ZAN: variants seen among roughly 807,000 people sequenced by gnomAD.
The protein encoded by ZAN is zonadhesin.
A neutral mutation model predicts 286.2 loss-of-function variants in ZAN; 260 were observed. The observed-to-expected ratio is 0.91, with a 90% CI of 0.82 to 1.01. The LOEUF (loss-of-function observed/expected upper bound fraction) is 1.01. ZAN is among the 50% of genes least tolerant of loss of function. The pLI is 0.00. For missense variants in ZAN, 3,410 were observed against 3,639.2 expected (o/e 0.94, Z 1.62); for synonymous variants, 1,368 against 1,417.5 (o/e 0.97, Z 0.79).
At chr7:100,776,714 C>CTTTTT (rs1810830578) in intron 34 of ZAN, 150 bp downstream of exon 34, 8 of 186,784 alleles carry the variant, frequency 4.3e-5, no homozygotes, top group East Asian at 3.9e-4. Flanking sequence ...TCTTCCTCTC[C>CTTTTT]TTTCTTTTTT....
At chr7:100,770,331 C>T (rs866299975) in intron 28 of ZAN, among the ~76,000 whole-genome samples, 13 of 151,536 alleles carry the variant, frequency 8.6e-5, no homozygotes, top group African/African-American at 1.9e-4. Context: ...GGTGAAACCC[C>T]GTCTCTACTA....
rs959066084 is a variant in ZAN at position 100,788,237 on chromosome 7, G to C, written c.7227+101G>C. The C allele has an allele frequency of 4.3e-6, 6 of 1,388,220 alleles. No individual in the cohort carries two copies. The Admixed American group carries it at 1.7e-4, about 39-fold the overall frequency. 86.0% of individuals were successfully genotyped at this position (1,388,220 alleles called of 1,614,324 possible). The stretch of plus-strand genomic sequence containing the variant: ...GATCCCTGTTCCCTGGGATGTTTGT[G>C]GCAGGGGTGGGCTGGTTGTAAAATC... On this transcript the variant is annotated intron_variant, in intron 38 of 47. Coordinates refer to ENST00000613979, the MANE Select transcript of ZAN (RefSeq NM_003386.3).
At chr7:100,746,055 C>G (rs1485281341) in intron 7 of ZAN, among the ~76,000 whole-genome samples, 3 of 151,154 alleles carry the variant, frequency 2.0e-5, no homozygotes. Context: ...GAAACCCTAT[C>G]TTTTCAAAAA....
Position 100,758,291 on chromosome 7 carries a change from G to T in ZAN, c.3399G>T (p.Gly1133=), listed in dbSNP as rs758766163. The T allele has an allele frequency of 6.2e-7, 1 of 1,613,334 alleles. No homozygotes were observed. Among genetic ancestry groups the T allele is most frequent in the East Asian group, 2.2e-5 (1 of 44,872 alleles). The change falls in exon 16 of 48, where the codon GGG becomes GGT. Residue 1133 remains glycine (G), a synonymous_variant. Transcript: ENST00000613979. ...TCGAGTGCCAGATCTCTCAGTGTGGGACACACACCGTGTGCCAGCTTAAGA... is the reference window on the plus strand; with the variant it reads ...TCGAGTGCCAGATCTCTCAGTGTGGTACACACACCGTGTGCCAGCTTAAGA... The part of the protein sequence containing the change: ...SRVECQISQC[G]THTVCQLKNG...
chr7:100,768,200 G>A (rs550748137), intron 26 of ZAN, among the ~76,000 whole-genome samples, 189 bp downstream of exon 26: 22 of 152,242 alleles, frequency 1.4e-4, no homozygotes, highest in Admixed American at 2.6e-4. Flanking sequence ...GGCCAGGCGC[G>A]GTGGCTCATA....
chr7:100,752,100 T>C lies in ZAN; in HGVS notation c.1995T>C (p.Thr665=). The change falls in exon 14 of 48, where the codon ACT becomes ACC. Residue 665 remains threonine (T), a synonymous_variant. Transcript: ENST00000613979. ...TVPTEEPTTP[T]EETTTSMEEP... is the part of the protein sequence containing the mutation. Reference sequence around the variant, plus strand: ...CCACAGAAGAGCCCACCACCCCCACTGAGGAGACCACCACCTCCATGGAAG... The same window carrying C: ...CCACAGAAGAGCCCACCACCCCCACCGAGGAGACCACCACCTCCATGGAAG... The C allele has an allele frequency of 6.8e-7, 1 of 1,471,706 alleles. No homozygotes were observed. 91.2% of individuals were successfully genotyped at this position (1,471,706 alleles called of 1,614,324 possible).
intron 34 of ZAN, 123 bp downstream of exon 34, chr7:100,776,687 T>G (rs1444983501): frequency 2.2e-6 from 1 of 447,662 alleles, no homozygotes; most frequent in Non-Finnish European, 3.4e-6. Context: ...TCTTCCTTTC[T>G]CTCTTTCTCT....
rs1175660550 is a variant in ZAN, at chr7:100,736,227, G to A, written c.107-256G>A. 2.1e-5 allele frequency among the ~76,000 whole-genome samples: 3 copies of A among 142,028 alleles called. 1 individual carries two copies. Among genetic ancestry groups the A allele is most frequent in the African/African-American group, 7.7e-5 (3 of 38,936 alleles). 93.2% of individuals were successfully genotyped at this position (142,028 alleles called of 152,430 possible). A position where few individuals can be genotyped will look rare whatever the true frequency, so the allele number is the denominator to read the frequency against. On this transcript the variant is annotated intron_variant, in intron 3 of 47. Coordinates refer to ENST00000613979, the MANE Select transcript of ZAN (RefSeq NM_003386.3). ...GCTTTCTTTTTCTTTTCTTTGAGAC[G>A]GAGTCTCCCTCTGTCCCTCAGGCTG... is the stretch of plus-strand genomic sequence containing the variant.
At chr7:100,756,532 T>A (rs1173829352) in intron 15 of ZAN, among the ~76,000 whole-genome samples, 1 of 152,102 alleles carries the variant, frequency 6.6e-6, no homozygotes, top group African/African-American at 2.4e-5. Flanking sequence ...TGCTTGTCCC[T>A]TTTGGGACTA....
At position 100,792,043 on chromosome 7, in the gene ZAN, C is replaced by G; in HGVS notation, c.7607C>G (p.Pro2536Arg). The change falls in exon 41 of 48, where the codon CCG becomes CGG. Residue 2536 changes from proline to arginine, a missense_variant. Pro to Arg is a moderately radical substitution (Grantham distance 103, BLOSUM62 -2). Transcript: ENST00000613979. ...GGCCTCCAAGTGTCCGAATGTAGCC[C>G]GGAGCAGCTGGCGAGCAACAGCACC... Reference protein sequence around the residue: ...RTGLQVSECSPEQLASNSTQA... With the variant: ...RTGLQVSECSREQLASNSTQA... 4.3e-6 allele frequency: 7 copies of G among 1,613,198 alleles called. No homozygotes were observed. The highest frequency in any genetic ancestry group is 2.2e-5 in the South Asian group (2 of 90,988).
chr7:100,769,260 AT>A (rs1810215748), intron 27 of ZAN, among the ~76,000 whole-genome samples: 2 of 151,662 alleles, frequency 1.3e-5, no homozygotes, highest in Non-Finnish European at 2.9e-5. Flanking sequence ...CGCCCGGCTA[AT>A]TTTTGTATTT....
chr7:100,738,966 TCCCTCTCCCTCTCCCTCTCCCTCTCC>T (rs1807542064), intron 7 of ZAN, among the ~76,000 whole-genome samples: 1 of 32,492 alleles, frequency 3.1e-5, no homozygotes, highest in East Asian at 7.9e-4. Flanking sequence ...CCTCTCCCTC[TCCCTCTCCCTCTCCCTCTCCCTCTCC>T]TTCTCCTTCT....
At chr7:100,785,542 C>T (rs564284848) in intron 36 of ZAN, among the ~76,000 whole-genome samples, 1 of 152,074 alleles carries the variant, frequency 6.6e-6, no homozygotes, top group Non-Finnish European at 1.5e-5. Context: ...GCACAGTTGT[C>T]TTTTGGATGA....
At position 100,739,367 on chromosome 7, in the gene ZAN, T is replaced by C. The variant is rs1418499931; in HGVS notation, c.766+754T>C. 1.4e-5 allele frequency among the ~76,000 whole-genome samples: 2 copies of C among 138,408 alleles called. 1 individual carries two copies. The highest frequency in any genetic ancestry group is 3.2e-5 in the Non-Finnish European group (2 of 61,956). 90.8% of individuals were successfully genotyped at this position (138,408 alleles called of 152,430 possible). A position where few individuals can be genotyped will look rare whatever the true frequency, so the allele number is the denominator to read the frequency against. ...AGCACCTACAATATGCCAGGTGCTGTCCTAGGCACTTAAAATACACCAGTG... is the reference window on the plus strand; with the variant it reads ...AGCACCTACAATATGCCAGGTGCTGCCCTAGGCACTTAAAATACACCAGTG... On this transcript the variant is annotated intron_variant, in intron 7 of 47. Coordinates refer to ENST00000613979, the MANE Select transcript of ZAN (RefSeq NM_003386.3).
Position 100,749,454 on chromosome 7 carries a change from C to A in ZAN, c.1249+984C>A, listed in dbSNP as rs1054349385. Among the ~76,000 whole-genome samples the A allele has an allele frequency of 4.6e-5, 7 of 150,614 alleles. No individual in the cohort carries two copies. The Admixed American group carries it at 4.7e-4, about 10-fold the overall frequency. ...AGGAGATCGAGACCATCCTGGCTAA[C>A]ACGGTGAAACCCCGTCCCTACTAAA... On this transcript the variant is annotated intron_variant, in intron 11 of 47. Transcript: ENST00000613979.
chr7:100,792,583 C>G (rs769211324), intron 42 of ZAN, 104 bp downstream of exon 42: 23 of 1,556,008 alleles, frequency 1.5e-5, no homozygotes, highest in Admixed American at 1.3e-4. Flanking sequence ...CCTGACCCCT[C>G]TGCCGTCCAC....
chr7:100,783,793 T>G (rs28489096), intron 35 of ZAN, among the ~76,000 whole-genome samples: 1 of 18,522 alleles, frequency 5.4e-5, no homozygotes, highest in African/African-American at 8.2e-5. Flanking sequence ...TACACATATA[T>G]ATATATACAC....
At chr7:100,759,548 T>A (rs1026341597) in intron 17 of ZAN, among the ~76,000 whole-genome samples, 173 bp from the exon 18 acceptor site, 1 of 151,958 alleles carries the variant, frequency 6.6e-6, no homozygotes, top group Non-Finnish European at 1.5e-5. Context: ...CAGGCTCTTC[T>A]GGAAGAGGCA....
intron 10 of ZAN, 40 bp from the exon 11 acceptor site, chr7:100,748,284 G>A (rs752562494): frequency 2.8e-5 from 45 of 1,613,684 alleles, no homozygotes; most frequent in Middle Eastern, 1.6e-4. Flanking sequence ...GCTGGAGAGC[G>A]TCACTCAACT....
Sources: gnomAD v4.1 joint callset for allele counts (sites outside exome capture counted in the v4.1 genomes callset) on GRCh38, gnomAD v4.1.1 for gene constraint, MANE v1.5 for transcripts, NCBI Gene and HGNC (gene_info 2026-07-23, HGNC 2026-07-21) for gene names.